NLGN1: variants seen among roughly 807,000 people sequenced by gnomAD.
NLGN1 encodes the protein neuroligin 1.
A neutral mutation model predicts 65.5 loss-of-function variants in NLGN1; 12 were observed. The observed-to-expected ratio is 0.18, with a 90% CI of 0.12 to 0.30. NLGN1 has a LOEUF of 0.30. Among genes scored for constraint, NLGN1 ranks in the 10% least tolerant of loss-of-function variants. The pLI is 1.00. For missense variants in NLGN1, 750 were observed against 1,007.1 expected, an observed-to-expected ratio of 0.74 and a Z score of 3.46; for synonymous variants, 350 against 359.5, an observed-to-expected ratio of 0.97 and a Z score of 0.30.
intron 4 of NLGN1, among the ~76,000 whole-genome samples, chr3:174,062,139 T>TA (rs1200954531): frequency 6.6e-6 from 1 of 152,068 alleles, no homozygotes; most frequent in Non-Finnish European, 1.5e-5. Context: ...TTATTAGGAA[T>TA]TTCAACTTAA....
At chr3:174,252,012 A>G (rs964427219) in intron 4 of NLGN1, among the ~76,000 whole-genome samples, 1 of 152,114 alleles carries the variant, frequency 6.6e-6, no homozygotes, top group African/African-American at 2.4e-5. Context: ...TTTTTTCTCA[A>G]GGTAGATAGA....
At chr3:174,007,507 A>T (rs1724675988) in intron 4 of NLGN1, among the ~76,000 whole-genome samples, 2 of 152,100 alleles carry the variant, frequency 1.3e-5, no homozygotes, top group Admixed American at 1.3e-4. Context: ...TTCCCATAGT[A>T]CTCTGTTGCA....
At chr3:173,918,660 ATGTGTGTGTGTGTGTG>A (rs71162369) in intron 4 of NLGN1, among the ~76,000 whole-genome samples, 68 of 111,810 alleles carry the variant, frequency 6.1e-4, no homozygotes, top group South Asian at 1.0e-3. Flanking sequence ...AGAAATACAT[ATGTGTGTGTGTGTGTG>A]TGTGTGTGTG....
At chr3:173,998,728 G>T (rs1301213594) in intron 4 of NLGN1, among the ~76,000 whole-genome samples, 1 of 152,060 alleles carries the variant, frequency 6.6e-6, no homozygotes, top group African/African-American at 2.4e-5. Context: ...TTCTCATGAG[G>T]GAGTCACTCC....
At chr3:173,615,883 A>AG (rs2149485833) in intron 3 of NLGN1, among the ~76,000 whole-genome samples, 1 of 19,474 alleles carries the variant, frequency 5.1e-5, no homozygotes, top group African/African-American at 1.7e-4. Context: ...CTGATGTTCT[A>AG]GGGCTTTTTC....
At chr3:173,666,881 A>G (rs967710512) in intron 3 of NLGN1, among the ~76,000 whole-genome samples, 7 of 152,200 alleles carry the variant, frequency 4.6e-5, no homozygotes, top group Admixed American at 3.9e-4. Context: ...ACAGATCAAC[A>G]AACAGAACAC....
chr3:174,091,688 A>G (rs979786401), intron 4 of NLGN1, among the ~76,000 whole-genome samples: 23 of 152,220 alleles, frequency 1.5e-4, no homozygotes, highest in Non-Finnish European at 2.9e-4. Context: ...TTATAAAAGT[A>G]ATATATAAAG....
intron 4 of NLGN1, among the ~76,000 whole-genome samples, chr3:173,890,338 T>G (rs749439168): frequency 6.6e-6 from 1 of 152,176 alleles, no homozygotes; most frequent in Non-Finnish European, 1.5e-5. Context: ...CACACTTGTT[T>G]AGTCCCTGGG....
At chr3:173,492,827 G>C (rs1158027795) in intron 2 of NLGN1, among the ~76,000 whole-genome samples, 2 of 151,760 alleles carry the variant, frequency 1.3e-5, no homozygotes, top group Non-Finnish European at 2.9e-5. Flanking sequence ...GCAGATGATA[G>C]TGTGAATAAA....
At chr3:173,705,174 A>G (rs923333102) in intron 3 of NLGN1, among the ~76,000 whole-genome samples, 7 of 152,126 alleles carry the variant, frequency 4.6e-5, no homozygotes, top group African/African-American at 1.7e-4. Flanking sequence ...TAACTGAAAT[A>G]CTAGAAGGTA....
chr3:173,857,776 A>G (rs1728282627), intron 4 of NLGN1, among the ~76,000 whole-genome samples: 1 of 140,898 alleles, frequency 7.1e-6, no homozygotes, highest in South Asian at 2.5e-4. Context: ...TTAAAAAATT[A>G]CTAAGTGAAC....
intron 4 of NLGN1, among the ~76,000 whole-genome samples, chr3:174,067,237 C>G (rs1459465758): frequency 4.6e-5 from 7 of 152,106 alleles, no homozygotes; most frequent in Non-Finnish European, 8.8e-5. Context: ...TAATCTACCT[C>G]TCTACCTCCA....
chr3:173,408,678 C>A (rs924158807), intron 1 of NLGN1, among the ~76,000 whole-genome samples: 2 of 152,034 alleles, frequency 1.3e-5, no homozygotes, highest in South Asian at 4.1e-4. Flanking sequence ...TTTGGGAGGC[C>A]GAGGCGGGCG....
At chr3:173,415,024 A>G (rs1386278117) in intron 1 of NLGN1, among the ~76,000 whole-genome samples, 1 of 152,260 alleles carries the variant, frequency 6.6e-6, no homozygotes, top group African/African-American at 2.4e-5. Flanking sequence ...TCAAGGAGGC[A>G]ACTGCCAAGT....
chr3:174,133,782 T>C (rs929770299), intron 4 of NLGN1, among the ~76,000 whole-genome samples: 9 of 152,054 alleles, frequency 5.9e-5, no homozygotes, highest in African/African-American at 2.2e-4. Context: ...ATAAAACCTT[T>C]GCCTAGCTCC....
chr3:173,447,963 T>G (rs1254453244), intron 2 of NLGN1, among the ~76,000 whole-genome samples: 1 of 152,240 alleles, frequency 6.6e-6, no homozygotes, highest in Non-Finnish European at 1.5e-5. Context: ...GATTTTGGGC[T>G]GAGACGATGG....
intron 3 of NLGN1, among the ~76,000 whole-genome samples, chr3:173,631,615 G>A (rs1755702187): frequency 6.6e-6 from 1 of 152,046 alleles, no homozygotes; most frequent in Non-Finnish European, 1.5e-5. Flanking sequence ...ACATCATTTG[G>A]CAACTTGGTA....
intron 3 of NLGN1, among the ~76,000 whole-genome samples, chr3:173,763,487 A>G (rs1460402498): frequency 6.6e-6 from 1 of 152,122 alleles, no homozygotes; most frequent in Non-Finnish European, 1.5e-5. Context: ...TTGTATTACA[A>G]ATATAATTTT....
At chr3:173,750,600 T>TTA (rs1211731578) in intron 3 of NLGN1, among the ~76,000 whole-genome samples, 2 of 152,120 alleles carry the variant, frequency 1.3e-5, no homozygotes, top group Non-Finnish European at 1.5e-5. Context: ...CAAAATAATT[T>TTA]TATGTCTATT....
Sources: gnomAD v4.1 joint callset for allele counts (sites outside exome capture counted in the v4.1 genomes callset) on GRCh38, gnomAD v4.1.1 for gene constraint, MANE v1.5 for transcripts, NCBI Gene and HGNC (gene_info 2026-07-23, HGNC 2026-07-21) for gene names.